COMMD1: variants seen among roughly 807,000 people sequenced by gnomAD.
The protein encoded by COMMD1 is COMM domain-containing protein 1.
In COMMD1, 10 loss-of-function variants were observed where a neutral mutation model predicts 17.2. The ratio of observed to expected loss-of-function variants is 0.58; its 90% CI spans 0.36 to 0.99. The LOEUF (loss-of-function observed/expected upper bound fraction) is 0.99, where lower values mean the gene tolerates loss of function less well. Ranked by LOEUF, COMMD1 falls within the 50% of genes least tolerant of loss-of-function variation. The pLI is 0.01. For synonymous variants in COMMD1, 97 were observed against 91.6 expected (o/e 1.06, Z -0.34); for missense variants, 270 against 231.8 (o/e 1.17, Z -1.07).
intron 2 of COMMD1, among the ~76,000 whole-genome samples, chr2:62,010,974 T>C (rs1669261372): frequency 2.0e-5 from 3 of 152,230 alleles, no homozygotes. Flanking sequence ...GTTCTCTCCC[T>C]TACTTCGTCT....
At chr2:61,910,252 C>G (rs1254485729) in intron 1 of COMMD1, among the ~76,000 whole-genome samples, 1 of 123,786 alleles carries the variant, frequency 8.1e-6, no homozygotes, top group Non-Finnish European at 1.6e-5. Flanking sequence ...CTAAACACTG[C>G]CCCCCCCTTT....
At chr2:61,922,353 T>C (rs1024238247) in intron 1 of COMMD1, among the ~76,000 whole-genome samples, 14 of 152,216 alleles carry the variant, frequency 9.2e-5, no homozygotes, top group African/African-American at 3.1e-4. Context: ...GTTTCACTTT[T>C]GTTGCCCAGG....
intron 1 of COMMD1, among the ~76,000 whole-genome samples, chr2:61,964,364 G>A (rs1234471135): frequency 6.6e-6 from 1 of 152,128 alleles, no homozygotes; most frequent in African/African-American, 2.4e-5. Flanking sequence ...GGGACTACAG[G>A]CATGGAGCCA....
At chr2:61,938,662 C>A (rs920332267) in intron 1 of COMMD1, among the ~76,000 whole-genome samples, 1 of 152,136 alleles carries the variant, frequency 6.6e-6, no homozygotes, top group East Asian at 1.9e-4. Context: ...CAGTCAGATT[C>A]TTTCTTGTGG....
rs552461276 is a variant in COMMD1, at chr2:61,890,858, T to G, written n.119+2016T>G. On this transcript the variant is annotated intron_variant and non_coding_transcript_variant, in intron 1 of 2. Transcript: ENST00000472729. ...AAAAAAAAAAAAAAAAGAAGGATATTAGCACTAGGAAATGAAGATCCATAA... is the reference window on the plus strand; with the variant it reads ...AAAAAAAAAAAAAAAAGAAGGATATGAGCACTAGGAAATGAAGATCCATAA... Among the ~76,000 whole-genome samples the G allele has an allele frequency of 1.9e-4, 28 of 149,628 alleles. No individual in the cohort carries two copies. The East Asian group carries it at 5.3e-3, about 28-fold the overall frequency.
At chr2:61,989,247 C>T (rs1199320467) in intron 1 of COMMD1, among the ~76,000 whole-genome samples, 1 of 152,108 alleles carries the variant, frequency 6.6e-6, no homozygotes, top group Non-Finnish European at 1.5e-5. Flanking sequence ...ATTTGTTAAA[C>T]AATGGATGAA....
intron 2 of COMMD1, among the ~76,000 whole-genome samples, chr2:62,062,604 A>G (rs920707505): frequency 2.0e-5 from 3 of 152,168 alleles, no homozygotes; most frequent in African/African-American, 7.2e-5. Context: ...CTTATTACAA[A>G]TTGTTACCCA....
rs1668726643 is a variant in COMMD1 at position 61,995,379 on chromosome 2, A to C, written c.181-5322A>C. Among the ~76,000 whole-genome samples the C allele has an allele frequency of 2.6e-5, 4 of 152,188 alleles. No homozygotes were observed. In the South Asian group the frequency reaches 8.3e-4, roughly 32 times the overall value. ...TAATCTGGCTCCAGACTGCCTTCTC[A>C]ATCTTATCTCTCAGTTTTTCTATTC... is the stretch of plus-strand genomic sequence containing the variant. On this transcript the variant is annotated intron_variant, in intron 1 of 2. Coordinates refer to ENST00000311832, the MANE Select transcript of COMMD1 (RefSeq NM_152516.4).
chr2:62,135,072 C>T (rs1673154962), intron 2 of COMMD1, among the ~76,000 whole-genome samples: 1 of 152,110 alleles, frequency 6.6e-6, no homozygotes, highest in Non-Finnish European at 1.5e-5. Context: ...TTTTGTAATC[C>T]AAGGTGCTGT....
intron 1 of COMMD1, among the ~76,000 whole-genome samples, chr2:61,992,777 GT>G (rs1393218495): frequency 1.6e-4 from 25 of 152,236 alleles, no homozygotes; most frequent in African/African-American, 5.1e-4. Context: ...GAGAACCACT[GT>G]TTTGGTTTAT....
chr2:61,891,989 G>A (rs527360918), intron 1 of COMMD1, among the ~76,000 whole-genome samples: 1 of 151,208 alleles, frequency 6.6e-6, no homozygotes, highest in Non-Finnish European at 1.5e-5. Context: ...CCACCACCAA[G>A]CCCGGCTAGT....
intron 2 of COMMD1, among the ~76,000 whole-genome samples, chr2:62,026,864 A>T (rs1427285167): frequency 6.6e-6 from 1 of 152,224 alleles, no homozygotes; most frequent in African/African-American, 2.4e-5. Context: ...TTATGTGTAT[A>T]AACATATGTA....
At chr2:61,999,872 G>A (rs1172601316) in intron 1 of COMMD1, among the ~76,000 whole-genome samples, 1 of 151,988 alleles carries the variant, frequency 6.6e-6, no homozygotes, top group Admixed American at 6.6e-5. Flanking sequence ...GTTTCCAAAG[G>A]GAGTATTTTT....
intron 2 of COMMD1, among the ~76,000 whole-genome samples, chr2:62,064,128 T>C (rs1176617436): frequency 6.6e-6 from 1 of 151,940 alleles, no homozygotes; most frequent in East Asian, 1.9e-4. Flanking sequence ...TGCTGTTATT[T>C]GTTTCTGCTG....
chr2:62,112,598 T>C (rs1672485920), intron 2 of COMMD1, among the ~76,000 whole-genome samples: 1 of 152,242 alleles, frequency 6.6e-6, no homozygotes, highest in Non-Finnish European at 1.5e-5. Context: ...TGAGAGTCTG[T>C]TTCATACCTG....
chr2:62,023,447 AGATTCTACAAATATTT>A (rs907349271), intron 2 of COMMD1, among the ~76,000 whole-genome samples: 3 of 152,086 alleles, frequency 2.0e-5, no homozygotes, highest in Admixed American at 2.0e-4. Context: ...AAACAACCCA[AGATTCTACAAATATTT>A]ATATATGCAA....
chr2:61,956,644 C>T (rs561775730), intron 1 of COMMD1, among the ~76,000 whole-genome samples: 29 of 151,992 alleles, frequency 1.9e-4, no homozygotes, highest in East Asian at 7.8e-4. Flanking sequence ...CTCCTGACCT[C>T]GTGATCCGTC....
chr2:61,891,391 A>G (rs1669426376), intron 1 of COMMD1, among the ~76,000 whole-genome samples: 1 of 152,226 alleles, frequency 6.6e-6, no homozygotes, highest in African/African-American at 2.4e-5. Flanking sequence ...CTTTCATCAG[A>G]GTGTTAATGT....
At chr2:61,985,718 A>G (rs1431516895) in intron 1 of COMMD1, among the ~76,000 whole-genome samples, 1 of 152,212 alleles carries the variant, frequency 6.6e-6, no homozygotes, top group Non-Finnish European at 1.5e-5. Context: ...ACAACTTAAC[A>G]TTGGTAGCAT....
Sources: allele counts gnomAD v4.1 joint callset (sites outside exome capture counted in the v4.1 genomes callset), GRCh38; gene constraint gnomAD v4.1.1; transcripts MANE v1.5; gene names NCBI Gene and HGNC (gene_info 2026-07-23, HGNC 2026-07-21).